Variants in PPFIA1 observed in about 807,000 individuals in gnomAD.
PPFIA1 encodes PPFI scaffold protein A1.
PPFIA1 carries 25 observed loss-of-function variants against 149.9 expected under a neutral mutation model. The ratio of observed to expected loss-of-function variants is 0.17; its 90% confidence interval spans 0.12 to 0.23. The LOEUF (loss-of-function observed/expected upper bound fraction) is 0.23. PPFIA1 is among the 10% of genes least tolerant of loss of function. PPFIA1 has a pLI of 1.00. For synonymous variants in PPFIA1, 549 were observed against 552.8 expected (o/e 0.99, Z 0.10); for missense variants, 1,362 against 1,506.5 (o/e 0.90, Z 1.59).
At position 70,337,369 on chromosome 11, in the gene PPFIA1, C is replaced by A; in HGVS notation, c.1433C>A (p.Ser478Tyr). The change falls in exon 12 of 28, where the codon TCT (serine) becomes TAT (tyrosine). Residue 478 changes from serine to tyrosine, a missense_variant. Physicochemically the swap from Ser to Tyr is moderately radical, Grantham distance 144. Around this residue, in one of 7 missense-constraint regions of PPFIA1, gnomAD observed 733 missense variants for 744.1 expected, o/e 0.99. Transcript: ENST00000253925. ...GGACTATCTGTCTTTTTTCAGAACT[C>A]TCTTTTAAGAGAAGTTGAAAGTGCA... Reference protein sequence around the residue: ...ERMAALEDKNSLLREVESAKK... With the variant: ...ERMAALEDKNYLLREVESAKK... 6.3e-7 allele frequency: 1 copy of A among 1,587,390 alleles called. No homozygotes were observed. The highest frequency in any genetic ancestry group is 1.1e-5 in the South Asian group (1 of 87,590).
intron 2 of PPFIA1, among the ~76,000 whole-genome samples, chr11:70,299,720 C>T (rs993038135): frequency 3.3e-5 from 5 of 152,144 alleles, no homozygotes; most frequent in African/African-American, 1.2e-4. Flanking sequence ...GGCCCCTCTG[C>T]TCCCCTGCTG....
intron 22 of PPFIA1, 34 bp downstream of exon 22, chr11:70,372,424 T>C: frequency 6.2e-7 from 1 of 1,613,432 alleles, no homozygotes; most frequent in Non-Finnish European, 8.5e-7. Context: ...AATAATTGGC[T>C]AAGATTTTTC....
intron 19 of PPFIA1, among the ~76,000 whole-genome samples, chr11:70,357,108 C>G (rs1192117769): frequency 6.6e-6 from 1 of 152,020 alleles, no homozygotes; most frequent in Non-Finnish European, 1.5e-5. Flanking sequence ...CAAAACTAAA[C>G]CCAGTTCTGC....
At chr11:70,348,510 G>A in intron 16 of PPFIA1, 90 bp downstream of exon 16, 2 of 1,059,388 alleles carry the variant, frequency 1.9e-6, no homozygotes, top group Non-Finnish European at 2.8e-6. Flanking sequence ...AGAAAATCAA[G>A]TACATTCGTT....
At chr11:70,287,277 C>T (rs2051211170) in intron 2 of PPFIA1, among the ~76,000 whole-genome samples, 1 of 152,168 alleles carries the variant, frequency 6.6e-6, no homozygotes, top group Non-Finnish European at 1.5e-5. Context: ...CCTGCTCTCC[C>T]AGTTGTGGAT....
chr11:70,366,576 G>A (rs944289341), intron 21 of PPFIA1, among the ~76,000 whole-genome samples: 12 of 152,174 alleles, frequency 7.9e-5, no homozygotes, highest in African/African-American at 2.7e-4. Context: ...ACAGCTTGCC[G>A]AAATGTCGTG....
intron 2 of PPFIA1, among the ~76,000 whole-genome samples, chr11:70,274,833 C>T (rs1203704001): frequency 6.6e-6 from 1 of 152,100 alleles, no homozygotes; most frequent in African/African-American, 2.4e-5. Flanking sequence ...ATTCTCCTGC[C>T]TCAGCCTCCC....
chr11:70,307,097 A>G (rs2098300111), intron 2 of PPFIA1, among the ~76,000 whole-genome samples: 1 of 152,254 alleles, frequency 6.6e-6, no homozygotes, highest in Non-Finnish European at 1.5e-5. Context: ...AGGTTTAATA[A>G]CACACCAGGG....
intron 14 of PPFIA1, 110 bp downstream of exon 14, chr11:70,339,416 C>T (rs767801541): frequency 8.0e-7 from 1 of 1,253,822 alleles, no homozygotes; most frequent in African/African-American, 1.5e-5. Flanking sequence ...CTTTCTTGCC[C>T]TCCTCTCATT....
At chr11:70,327,364 ACAAT>A (rs2054366847) in intron 7 of PPFIA1, among the ~76,000 whole-genome samples, 2 of 152,358 alleles carry the variant, frequency 1.3e-5, no homozygotes, top group Admixed American at 6.5e-5. Context: ...TAATGGTCAA[ACAAT>A]CAAGAGTGGA....
chr11:70,295,662 C>T lies in PPFIA1; in HGVS notation c.264+23226C>T, dbSNP rs556749005. Reference sequence around the variant, plus strand: ...GCAGAGGTGCCCCTCACCTCCCGGACGGGGCGGCTGGCCGGGCCGGGGGCT... The same window carrying T: ...GCAGAGGTGCCCCTCACCTCCCGGATGGGGCGGCTGGCCGGGCCGGGGGCT... On this transcript the variant is annotated intron_variant, in intron 2 of 27. Coordinates refer to ENST00000253925, the MANE Select transcript of PPFIA1 (RefSeq NM_003626.5). Among the ~76,000 whole-genome samples the T allele has an allele frequency of 5.2e-3, 719 of 137,844 alleles. 9 individuals are homozygous for T. The highest frequency in any genetic ancestry group is 0.018 in the African/African-American group (636 of 36,324). 90.4% of individuals were successfully genotyped at this position (137,844 alleles called of 152,430 possible). A position where few individuals can be genotyped will look rare whatever the true frequency, so the allele number is the denominator to read the frequency against.
chr11:70,347,601 G>A (rs550180583), intron 15 of PPFIA1, among the ~76,000 whole-genome samples: 1 of 152,318 alleles, frequency 6.6e-6, no homozygotes, highest in Admixed American at 6.5e-5. Flanking sequence ...AGCTACTTGG[G>A]AGGCTGAGGC....
chr11:70,323,838 C>T (rs140344627), intron 2 of PPFIA1, among the ~76,000 whole-genome samples: 3 of 152,278 alleles, frequency 2.0e-5, no homozygotes, highest in East Asian at 3.9e-4. Context: ...AGGCTGGGCA[C>T]GGTGGCTCAA....
chr11:70,354,525 C>G, intron 17 of PPFIA1, 73 bp downstream of exon 17: 1 of 1,460,866 alleles, frequency 6.8e-7, no homozygotes, highest in East Asian at 2.4e-5. Context: ...ATCGACAAAT[C>G]TTTCCTTGAG....
intron 2 of PPFIA1, chr11:70,278,961 T>C (rs562386940): frequency 9.7e-6 from 6 of 615,466 alleles, no homozygotes; most frequent in Non-Finnish European, 1.9e-5. Context: ...TTTGTGGATG[T>C]GTGGAATGAC....
At chr11:70,382,005 G>A (rs2057732204) in intron 26 of PPFIA1, 83 bp from the exon 27 acceptor site, 1 of 1,208,690 alleles carries the variant, frequency 8.3e-7, no homozygotes, top group South Asian at 1.3e-5. Context: ...GTGAAGATGT[G>A]TGTCTACTTG....
At chr11:70,273,378 G>C (rs1379673125) in intron 2 of PPFIA1, among the ~76,000 whole-genome samples, 1 of 152,208 alleles carries the variant, frequency 6.6e-6, no homozygotes, top group Non-Finnish European at 1.5e-5. Flanking sequence ...CTTAATGGTA[G>C]GTAAAGGGAG....
Position 70,372,213 on chromosome 11 carries a change from A to G in PPFIA1, c.2866-2A>G. On this transcript the variant is annotated splice_acceptor_variant, in intron 21 of 27. Transcript: ENST00000253925. LOFTEE classifies it high-confidence loss of function. The stretch of plus-strand genomic sequence containing the variant: ...CTGACCTTTTCCATTTATGAAAAGC[A>G]GACACTCGCCTATGGGGACATGAAC... 6.3e-7 allele frequency: 1 copy of G among 1,595,468 alleles called. No individual in the cohort carries two copies.
Position 70,366,789 on chromosome 11 carries a change from C to A in PPFIA1, c.2865+4301C>A, listed in dbSNP as rs571778829. ...GAGGTGATGGTTGAAGCAGCTGTTT[C>A]CTTCTCTTGGTACTCCTAAAATCTA... On this transcript the variant is annotated intron_variant, in intron 21 of 27. Transcript: ENST00000253925. Among the ~76,000 whole-genome samples the A allele has an allele frequency of 1.3e-3, 205 of 152,338 alleles. 2 individuals are homozygous for A. The highest frequency in any genetic ancestry group is 4.7e-3 in the African/African-American group (197 of 41,580).
Sources: gnomAD v4.1 joint callset for allele counts (sites outside exome capture counted in the v4.1 genomes callset) on GRCh38, gnomAD v4.1.1 for gene constraint, gnomAD v4.1.1 regional missense constraint, MANE v1.5 for transcripts, NCBI Gene and HGNC (gene_info 2026-07-23, HGNC 2026-07-21) for gene names.